SPAST: variants seen among roughly 807,000 people sequenced by gnomAD.
SPAST encodes spastic paraplegia 4 (autosomal dominant; spastin).
In SPAST, 30 loss-of-function variants were observed where a neutral mutation model predicts 76.6. The observed-to-expected ratio is 0.39, with a 90% CI of 0.29 to 0.53. The LOEUF is 0.53. Ranked by LOEUF, SPAST falls within the 20% of genes least tolerant of loss-of-function variation. The pLI is 0.68. For missense variants in SPAST, 717 were observed against 770.5 expected (o/e 0.93, Z 0.82); for synonymous variants, 305 against 281.0 (o/e 1.09, Z -0.86).
chr2:32,131,600 G>A (rs1432745809), intron 9 of SPAST, among the ~76,000 whole-genome samples: 1 of 151,822 alleles, frequency 6.6e-6, no homozygotes, highest in African/African-American at 2.4e-5. Context: ...CTCATAACCA[G>A]GAAGTGGGAA....
chr2:32,098,941 A>T lies in SPAST; in HGVS notation c.682+50A>T, dbSNP rs777921173. On this transcript the variant is annotated intron_variant, in intron 4 of 16. Coordinates refer to ENST00000315285, the MANE Select transcript of SPAST (RefSeq NM_014946.4). ...AATAATAAAGCTTGCATGCAAAGTA[A>T]GAGTCTTACTTAACCTGATAATGTT... 11 of 1,215,532 alleles carry T rather than the reference A, an allele frequency of 9.0e-6. No homozygotes were observed. In the East Asian group the frequency reaches 2.6e-4, roughly 28 times the overall value. The allele number at this position is 1,215,532 out of a possible 1,614,324, so 75.3% of individuals were successfully genotyped here.
chr2:32,096,505 T>C (rs1038091509), intron 3 of SPAST, among the ~76,000 whole-genome samples: 2 of 151,910 alleles, frequency 1.3e-5, no homozygotes, highest in African/African-American at 4.8e-5. Context: ...TGTCTATGAC[T>C]CCTCCTCCAA....
intron 16 of SPAST, among the ~76,000 whole-genome samples, chr2:32,151,225 G>A (rs917116008): frequency 6.6e-6 from 1 of 152,142 alleles, no homozygotes; most frequent in Non-Finnish European, 1.5e-5. Flanking sequence ...TTGCAGGTGT[G>A]AGCCACCATG....
intron 1 of SPAST, among the ~76,000 whole-genome samples, chr2:32,070,624 C>T (rs1002966276): frequency 1.3e-5 from 2 of 152,148 alleles, no homozygotes; most frequent in Non-Finnish European, 2.9e-5. Context: ...TGTGTACATA[C>T]GTATATATGT....
chr2:32,077,964 GTTTTTTTTT>G (rs371044940), intron 1 of SPAST: 1 of 119,824 alleles, frequency 8.3e-6, no homozygotes, highest in Non-Finnish European at 1.8e-5. Flanking sequence ...CCCCATTTCT[GTTTTTTTTT>G]TTTGTTTGTT....
intron 3 of SPAST, among the ~76,000 whole-genome samples, chr2:32,092,236 T>C (rs1020892469): frequency 6.6e-6 from 1 of 152,248 alleles, no homozygotes; most frequent in African/African-American, 2.4e-5. Context: ...CTGACAGGAT[T>C]TGCCTTCTTC....
chr2:32,111,465 T>C (rs2148729765), intron 4 of SPAST, among the ~76,000 whole-genome samples: 1 of 150,070 alleles, frequency 6.7e-6, no homozygotes, highest in Admixed American at 6.7e-5. Context: ...ATAGAGTATA[T>C]ATAGTTACAT....
At chr2:32,088,733 A>G (rs1677593456) in intron 2 of SPAST, among the ~76,000 whole-genome samples, 4 of 152,208 alleles carry the variant, frequency 2.6e-5, no homozygotes, top group African/African-American at 9.6e-5. Context: ...TAATTAAAGT[A>G]TGATATATGC....
chr2:32,147,646 G>C (rs12990057), intron 16 of SPAST, among the ~76,000 whole-genome samples: 1 of 150,480 alleles, frequency 6.6e-6, no homozygotes, highest in Non-Finnish European at 1.5e-5. Context: ...TTGTTTGTTT[G>C]TTTGAGACGG....
chr2:32,149,222 T>C (rs1679995201), intron 16 of SPAST, among the ~76,000 whole-genome samples: 1 of 151,204 alleles, frequency 6.6e-6, no homozygotes, highest in Non-Finnish European at 1.5e-5. Context: ...CCTGCGTAGC[T>C]GAGATTACAG....
intron 7 of SPAST, among the ~76,000 whole-genome samples, chr2:32,121,791 G>A (rs1179978769): frequency 6.6e-6 from 1 of 151,160 alleles, no homozygotes; most frequent in Non-Finnish European, 1.5e-5. Context: ...TGATCCACCT[G>A]CTTTGGCCTC....
intron 3 of SPAST, among the ~76,000 whole-genome samples, chr2:32,089,912 C>T (rs1221420340): frequency 3.3e-5 from 5 of 151,988 alleles, no homozygotes; most frequent in East Asian, 1.9e-4. Context: ...TACAGGCACC[C>T]GCCACCACGC....
At chr2:32,083,766 ATATATATATAT>A (rs1677353779) in intron 1 of SPAST, among the ~76,000 whole-genome samples, 3 of 48,456 alleles carry the variant, frequency 6.2e-5, no homozygotes, top group African/African-American at 2.6e-4. Flanking sequence ...ATATATATAT[ATATATATATAT>A]TTTTTTTTTT....
chr2:32,076,892 C>T (rs571996778), intron 1 of SPAST, among the ~76,000 whole-genome samples: 20 of 151,072 alleles, frequency 1.3e-4, no homozygotes, highest in Admixed American at 1.1e-3. Context: ...GTTTTTTTTT[C>T]TGAGACAGAG....
At chr2:32,114,957 A>T (rs201816339) in intron 5 of SPAST, 132 bp downstream of exon 5, 342 of 491,896 alleles carry the variant, frequency 7.0e-4, no homozygotes, top group Middle Eastern at 1.2e-3. Flanking sequence ...ATAAAGTTAA[A>T]TTTTTTTTTT....
intron 1 of SPAST, among the ~76,000 whole-genome samples, chr2:32,072,272 T>C (rs1054314247): frequency 2.2e-4 from 33 of 152,152 alleles, no homozygotes; most frequent in Non-Finnish European, 1.5e-4. Context: ...CTCGATCTCT[T>C]GACCTCGTGA....
chr2:32,086,978 C>T (rs912676321), intron 1 of SPAST, among the ~76,000 whole-genome samples: 1 of 151,872 alleles, frequency 6.6e-6, no homozygotes, highest in African/African-American at 2.4e-5. Context: ...TTGTTGGGTT[C>T]AAAGAAAATA....
intron 12 of SPAST, among the ~76,000 whole-genome samples, chr2:32,138,550 A>G (rs988626154): frequency 3.3e-5 from 5 of 151,912 alleles, no homozygotes; most frequent in Non-Finnish European, 7.4e-5. Flanking sequence ...AGCTTGTTCA[A>G]TTGTTTGAAT....
rs781135748 is a variant in SPAST, at chr2:32,136,871, C to T, written c.1322-6C>T. On this transcript the variant is annotated splice_polypyrimidine_tract_variant and splice_region_variant and intron_variant, in intron 10 of 16. Coordinates refer to ENST00000315285, the MANE Select transcript of SPAST (RefSeq NM_014946.4). ...AATTAAAGTCTTATACTTGTATTTC[C>T]TCTAGATGAAGTTGATAGCCTTTTG... 1.2e-6 allele frequency: 2 copies of T among 1,608,272 alleles called. No individual in the cohort carries two copies. The highest frequency in any genetic ancestry group is 1.7e-6 in the Non-Finnish European group (2 of 1,174,924).
Sources: allele counts gnomAD v4.1 joint callset (sites outside exome capture counted in the v4.1 genomes callset), GRCh38; gene constraint gnomAD v4.1.1; transcripts MANE v1.5; gene names NCBI Gene and HGNC (gene_info 2026-07-23, HGNC 2026-07-21).